The following SCN3A variants were observed in gnomAD, a reference collection of about 807,000 sequenced individuals.
SCN3A encodes sodium channel protein type 3 subunit alpha.
SCN3A carries 60 observed loss-of-function variants against 187.6 expected under a neutral mutation model. The observed-to-expected ratio is 0.32, with a 90% CI of 0.26 to 0.40. The LOEUF is 0.40. Among genes scored for constraint, SCN3A ranks in the 10% least tolerant of loss-of-function variants. The pLI is 1.00. For synonymous variants in SCN3A, 788 were observed against 829.2 expected (o/e 0.95, Z 0.85); for missense variants, 1,601 against 2,428.2 (o/e 0.66, Z 7.16).
intron 9 of SCN3A, among the ~76,000 whole-genome samples, chr2:165,157,169 C>G (rs1248494351): frequency 6.6e-6 from 1 of 152,094 alleles, no homozygotes. Flanking sequence ...CTCGGCCTCC[C>G]AAAGTGCTGG....
chr2:165,166,910 T>G (rs966981334), intron 5 of SCN3A, among the ~76,000 whole-genome samples: 8 of 152,008 alleles, frequency 5.3e-5, no homozygotes, highest in Non-Finnish European at 1.0e-4. Context: ...GCCTTTTTTT[T>G]TTGTTTTGAA....
At chr2:165,161,506 T>G (rs532794944) in intron 9 of SCN3A, among the ~76,000 whole-genome samples, 2 of 152,318 alleles carry the variant, frequency 1.3e-5, no homozygotes, top group African/African-American at 2.4e-5. Flanking sequence ...TTTATATGAC[T>G]AGTATACATT....
chr2:165,143,669 G>A (rs1178600779), intron 12 of SCN3A, among the ~76,000 whole-genome samples: 1 of 152,198 alleles, frequency 6.6e-6, no homozygotes, highest in African/African-American at 2.4e-5. Flanking sequence ...GTTTTAAGGA[G>A]TGAAAGGCCA....
Position 165,092,625 on chromosome 2 carries a change from G to A in SCN3A, c.4537-101C>T. 1 of 1,101,834 alleles carries A rather than the reference G, an allele frequency of 9.1e-7. No individual in the cohort carries two copies. Among genetic ancestry groups the A allele is most frequent in the Admixed American group, 2.0e-5 (1 of 50,872 alleles). The allele number at this position is 1,101,834 out of a possible 1,614,324, so 68.3% of individuals were successfully genotyped here. On this transcript the variant is annotated intron_variant, in intron 26 of 27. Coordinates refer to ENST00000283254, the MANE Select transcript of SCN3A (RefSeq NM_006922.4). The surrounding 1 kb of genome is among the most constrained non-coding windows in gnomAD (Gnocchi z 4.2). Reference sequence around the variant, plus strand: ...GCCCTTCCACATACGGGATGGATGTGCACCCTCCTCATATTACCCCAAACA... The same window carrying A: ...GCCCTTCCACATACGGGATGGATGTACACCCTCCTCATATTACCCCAAACA...
chr2:165,091,388 A>T (rs1685098796), intron 27 of SCN3A, 43 bp from the exon 28 acceptor site: 1 of 1,610,124 alleles, frequency 6.2e-7, no homozygotes, highest in African/African-American at 1.3e-5. Context: ...AATATCTTTC[A>T]CTTACATGAT....
intron 18 of SCN3A, among the ~76,000 whole-genome samples, chr2:165,126,339 A>G (rs1686984830): frequency 6.6e-6 from 1 of 152,172 alleles, no homozygotes; most frequent in Admixed American, 6.5e-5. Context: ...TAGAAACTTA[A>G]GAATACTAAT....
At chr2:165,161,840 G>A (rs186054861) in intron 9 of SCN3A, among the ~76,000 whole-genome samples, 4 of 152,154 alleles carry the variant, frequency 2.6e-5, no homozygotes, top group Admixed American at 2.6e-4. Flanking sequence ...AGAAATACAT[G>A]CTCCTTCAAG....
intron 21 of SCN3A, among the ~76,000 whole-genome samples, chr2:165,102,496 T>A (rs1385481436): frequency 6.6e-6 from 1 of 151,846 alleles, no homozygotes; most frequent in Admixed American, 6.6e-5. Context: ...GCCTGGGCTA[T>A]AGAGTGAGAG....
At chr2:165,131,506 A>G (rs960525428) in intron 15 of SCN3A, 89 bp from the exon 16 acceptor site, 1 of 816,546 alleles carries the variant, frequency 1.2e-6, no homozygotes, top group South Asian at 2.7e-5. Context: ...ACAGGAATAA[A>G]AATATCTAAA....
At chr2:165,183,216 A>C (rs1264304786) in intron 2 of SCN3A, among the ~76,000 whole-genome samples, 1 of 152,214 alleles carries the variant, frequency 6.6e-6, no homozygotes, top group Admixed American at 6.5e-5. Flanking sequence ...GGGATTTAAC[A>C]ATTAGTCCAA....
intron 6 of SCN3A, 146 bp from the exon 7 acceptor site, chr2:165,163,855 G>A: frequency 1.2e-6 from 2 of 1,613,858 alleles, no homozygotes; most frequent in South Asian, 1.1e-5. Flanking sequence ...AGTTCGAAGG[G>A]CTGAAACATT....
chr2:165,160,267 G>A (rs1331154432), intron 9 of SCN3A, among the ~76,000 whole-genome samples: 2 of 152,114 alleles, frequency 1.3e-5, no homozygotes, highest in African/African-American at 4.8e-5. Context: ...CTACATTATG[G>A]TGACTTGTAC....
In SCN3A at chr2:165,147,048, A is replaced by G. The variant is rs1354712357; in HGVS notation, c.1381-19T>C. On this transcript the variant is annotated intron_variant, in intron 11 of 27. Coordinates refer to ENST00000283254, the MANE Select transcript of SCN3A (RefSeq NM_006922.4). ...CAACTGCCTGTCATAAAACAAAGCC[A>G]GGCACTATTTAGAACACAGAGCTTT... The G allele has an allele frequency of 3.7e-6, 6 of 1,613,742 alleles. No homozygotes were observed. Among genetic ancestry groups the G allele is most frequent in the South Asian group, 1.1e-5 (1 of 91,076 alleles).
chr2:165,138,910 G>A (rs1313018756), intron 14 of SCN3A, among the ~76,000 whole-genome samples: 2 of 152,176 alleles, frequency 1.3e-5, no homozygotes, highest in Non-Finnish European at 2.9e-5. Context: ...CAAGTTTAGT[G>A]TATAAATAGT....
intron 11 of SCN3A, among the ~76,000 whole-genome samples, chr2:165,147,577 G>A (rs536167081): frequency 2.0e-5 from 3 of 152,044 alleles, no homozygotes; most frequent in Non-Finnish European, 4.4e-5. Context: ...TCCTTCCTTT[G>A]AATTACATTT....
In SCN3A at chr2:165,147,251, G is replaced by A. The variant is rs1688407233; in HGVS notation, c.1381-222C>T. Reference sequence around the variant, plus strand: ...GTATGCATTAAAGCAAGAAAAATCTGGTTTTGCCTATCTTCTGGATTGTCT... The same window carrying A: ...GTATGCATTAAAGCAAGAAAAATCTAGTTTTGCCTATCTTCTGGATTGTCT... On this transcript the variant is annotated intron_variant, in intron 11 of 27. Transcript: ENST00000283254. Among the ~76,000 whole-genome samples, 4 of 144,190 alleles carry A rather than the reference G, an allele frequency of 2.8e-5. No individual in the cohort carries two copies. In the South Asian group the frequency reaches 9.7e-4, roughly 35 times the overall value. The allele number at this position is 144,190 out of a possible 152,430, so 94.6% of individuals were successfully genotyped here. A position where few individuals can be genotyped will look rare whatever the true frequency, so the allele number is the denominator to read the frequency against.
chr2:165,192,922 G>A (rs1014963250), intron 1 of SCN3A, among the ~76,000 whole-genome samples: 3 of 152,084 alleles, frequency 2.0e-5, no homozygotes, highest in South Asian at 2.1e-4. Context: ...TCTGTTCAAC[G>A]TGGTAGCCAT....
intron 18 of SCN3A, 112 bp from the exon 19 acceptor site, chr2:165,115,687 A>G (rs1348237098): frequency 1.0e-6 from 1 of 957,522 alleles, no homozygotes. Flanking sequence ...ATTTAACTCT[A>G]TTAGCATTAC....
At position 165,170,694 on chromosome 2, in the gene SCN3A, T is replaced by A. The variant is rs1406344513; in HGVS notation, c.265-146A>T. On this transcript the variant is annotated intron_variant, in intron 3 of 27. Coordinates refer to ENST00000283254, the MANE Select transcript of SCN3A (RefSeq NM_006922.4). Reference sequence around the variant, plus strand: ...AGTTGATATATCATAACTACAAACATGTTAGATGTTTAAATTAACATATAG... The same window carrying A: ...AGTTGATATATCATAACTACAAACAAGTTAGATGTTTAAATTAACATATAG... 9.8e-6 allele frequency: 6 copies of A among 610,692 alleles called. No homozygotes were observed. In the East Asian group the frequency reaches 1.4e-4, roughly 14 times the overall value. 37.8% of individuals were successfully genotyped at this position (610,692 alleles called of 1,614,324 possible).
Sources: gnomAD v4.1 joint callset for allele counts (sites outside exome capture counted in the v4.1 genomes callset) on GRCh38, gnomAD v4.1.1 for gene constraint, Gnocchi (gnomAD v3.1) non-coding constraint, MANE v1.5 for transcripts, NCBI Gene and HGNC (gene_info 2026-07-23, HGNC 2026-07-21) for gene names.